Variants in TNIK observed in about 807,000 individuals in gnomAD.
The protein encoded by TNIK is TRAF2 and NCK interacting kinase.
Under a neutral mutation model 191.3 loss-of-function variants are expected in TNIK, and 49 were observed. That is an observed-to-expected ratio of 0.26 (90% CI 0.20 to 0.32). The LOEUF is 0.32. TNIK is among the 10% of genes least tolerant of loss of function. The pLI is 1.00. For synonymous variants in TNIK, 594 were observed against 600.9 expected (o/e 0.99, Z 0.17); for missense variants, 1,155 against 1,702.3 (o/e 0.68, Z 5.66).
chr3:171,459,675 TACAC>T (rs58614773), intron 1 of TNIK, among the ~76,000 whole-genome samples: 143 of 146,322 alleles, frequency 9.8e-4, no homozygotes, highest in African/African-American at 2.3e-3. Context: ...CCGGGGCGTG[TACAC>T]ACACACACAC....
chr3:171,388,426 A>G (rs898256101), intron 1 of TNIK, among the ~76,000 whole-genome samples: 5 of 152,348 alleles, frequency 3.3e-5, no homozygotes, highest in Admixed American at 3.3e-4. Context: ...AATTAGGTAT[A>G]AAAAGATGCA....
At chr3:171,150,703 T>G (rs1385814143) in intron 12 of TNIK, among the ~76,000 whole-genome samples, 1 of 152,174 alleles carries the variant, frequency 6.6e-6, no homozygotes, top group Non-Finnish European at 1.5e-5. Context: ...TTGACCCTAC[T>G]AAACAAGAAA....
At chr3:171,075,139 A>G (rs186414139) in intron 28 of TNIK, among the ~76,000 whole-genome samples, 1 of 152,360 alleles carries the variant, frequency 6.6e-6, no homozygotes, top group Admixed American at 6.5e-5. Context: ...ATTTCCTGCA[A>G]TGAATTTTAT....
chr3:171,420,962 T>C (rs1723721994), intron 1 of TNIK, among the ~76,000 whole-genome samples: 1 of 152,208 alleles, frequency 6.6e-6, no homozygotes, highest in Non-Finnish European at 1.5e-5. Flanking sequence ...TTATGAACTG[T>C]TTATTTATGG....
At chr3:171,393,739 C>T (rs1454923717) in intron 1 of TNIK, among the ~76,000 whole-genome samples, 2 of 152,126 alleles carry the variant, frequency 1.3e-5, no homozygotes, top group Non-Finnish European at 2.9e-5. Flanking sequence ...TCGTAATTTT[C>T]ATTTGTCAAA....
intron 11 of TNIK, among the ~76,000 whole-genome samples, chr3:171,158,245 G>T (rs2108719371): frequency 6.6e-6 from 1 of 152,310 alleles, no homozygotes; most frequent in East Asian, 1.9e-4. Context: ...GTCAGGGTTT[G>T]CCTGACTGTA....
intron 2 of TNIK, among the ~76,000 whole-genome samples, chr3:171,323,413 G>A (rs139142255): frequency 1.3e-5 from 2 of 152,254 alleles, no homozygotes; most frequent in Non-Finnish European, 2.9e-5. Context: ...TACTTGTAAT[G>A]TATTGCCATA....
chr3:171,077,400 A>G (rs1032713767), intron 28 of TNIK, among the ~76,000 whole-genome samples: 2 of 152,166 alleles, frequency 1.3e-5, no homozygotes, highest in African/African-American at 4.8e-5. Flanking sequence ...ATGGTGCATG[A>G]AAAGTAAATT....
In TNIK at chr3:171,190,780, C is replaced by A. The variant is rs1293833383; in HGVS notation, c.425G>T (p.Ser142Ile). Residue 142 changes from serine (S) to isoleucine (I), a missense_variant, in exon 6 of 33, where the codon AGT (serine) becomes ATT (isoleucine). By Grantham distance (142) the Ser-to-Ile change is moderately radical. Transcript: ENST00000436636. ...AATCACTTTATGCTGGTGCAGGTGA[C>A]TCAGCCCCTGGAGTGATGGAGAGTT... is the stretch of plus-strand genomic sequence containing the variant. Reference protein sequence around the residue: ...YICREILRGLSHLHQHKVIHR... With the variant: ...YICREILRGLIHLHQHKVIHR... 6.3e-7 allele frequency: 1 copy of A among 1,590,844 alleles called. No individual in the cohort carries two copies. The highest frequency in any genetic ancestry group is 1.8e-5 in the Admixed American group (1 of 56,656).
chr3:171,181,863 A>T (rs771306885), intron 7 of TNIK, among the ~76,000 whole-genome samples: 1 of 152,250 alleles, frequency 6.6e-6, no homozygotes, highest in Non-Finnish European at 1.5e-5. Context: ...TTCCTAAGTG[A>T]TAATACACAT....
intron 2 of TNIK, among the ~76,000 whole-genome samples, chr3:171,273,801 A>G (rs577192087): frequency 4.0e-4 from 61 of 152,364 alleles, no homozygotes; most frequent in African/African-American, 1.4e-3. Context: ...AGATGTCATG[A>G]CAACTGATAA....
intron 7 of TNIK, among the ~76,000 whole-genome samples, chr3:171,188,338 C>T (rs902673953): frequency 9.2e-5 from 14 of 152,142 alleles, no homozygotes; most frequent in African/African-American, 3.1e-4. Flanking sequence ...ACAACAAACT[C>T]ACATCTTAGT....
At chr3:171,419,371 T>C (rs1723472498) in intron 1 of TNIK, among the ~76,000 whole-genome samples, 1 of 152,172 alleles carries the variant, frequency 6.6e-6, no homozygotes, top group African/African-American at 2.4e-5. Context: ...TTGAAGGAAA[T>C]GTGGAATGAT....
intron 1 of TNIK, among the ~76,000 whole-genome samples, chr3:171,411,601 C>T (rs145213050): frequency 1.9e-4 from 29 of 152,170 alleles, no homozygotes; most frequent in Middle Eastern, 3.4e-3. Context: ...GTCTTCCAAG[C>T]GGAAATGAAT....
chr3:171,369,121 C>A (rs914397739), intron 2 of TNIK, among the ~76,000 whole-genome samples: 1 of 152,150 alleles, frequency 6.6e-6, no homozygotes, highest in African/African-American at 2.4e-5. Context: ...TCAAGTTTAA[C>A]TTTTAATTAT....
At chr3:171,181,906 T>G (rs962667090) in intron 7 of TNIK, among the ~76,000 whole-genome samples, 14 of 152,350 alleles carry the variant, frequency 9.2e-5, no homozygotes, top group East Asian at 1.9e-4. Context: ...ACTTTGACAG[T>G]AAGGAAATGG....
At chr3:171,322,979 G>T (rs1560426832) in intron 2 of TNIK, among the ~76,000 whole-genome samples, 2 of 151,780 alleles carry the variant, frequency 1.3e-5, no homozygotes, top group Non-Finnish European at 2.9e-5. Context: ...CGTTTTAAAA[G>T]AACAGAATTT....
intron 1 of TNIK, among the ~76,000 whole-genome samples, chr3:171,430,319 T>C (rs10936687): frequency 0.67 from 101,611 of 151,984 alleles, 35,458 homozygotes; most frequent in African/African-American, 0.83. Context: ...CGCTAAACAA[T>C]GAAAATACTT....
At chr3:171,398,715 C>T (rs1175998802) in intron 1 of TNIK, among the ~76,000 whole-genome samples, 1 of 152,236 alleles carries the variant, frequency 6.6e-6, no homozygotes, top group Non-Finnish European at 1.5e-5. Flanking sequence ...TGGTATGTCA[C>T]TGAGGTAGGG....
Sources: allele counts gnomAD v4.1 joint callset (sites outside exome capture counted in the v4.1 genomes callset), GRCh38; gene constraint gnomAD v4.1.1; transcripts MANE v1.5; gene names NCBI Gene and HGNC (gene_info 2026-07-23, HGNC 2026-07-21).